Variants in NKAIN3 observed in about 807,000 individuals in gnomAD.
NKAIN3 encodes the protein sodium/potassium-transporting ATPase subunit beta-1-interacting protein 3.
A neutral mutation model predicts 30.2 loss-of-function variants in NKAIN3; 25 were observed. The ratio of observed to expected loss-of-function variants is 0.83; its 90% CI spans 0.60 to 1.16. The LOEUF is 1.16. Among genes scored for constraint, NKAIN3 ranks in the 50% most tolerant of loss-of-function variants. The probability of loss-of-function intolerance (pLI) is 0.00; values close to 1 mark genes in which losing one functional copy is unlikely to be tolerated. For synonymous variants in NKAIN3, 91 were observed against 89.6 expected, an observed-to-expected ratio of 1.02 and a Z score of -0.09; for missense variants, 225 against 254.1, an observed-to-expected ratio of 0.89 and a Z score of 0.78.
At chr8:62,556,034 T>C (rs1012481650) in intron 1 of NKAIN3, among the ~76,000 whole-genome samples, 29 of 151,888 alleles carry the variant, frequency 1.9e-4, no homozygotes, top group African/African-American at 6.3e-4. Context: ...ATTTAACAAA[T>C]TGGAAAGTAT....
chr8:62,589,831 G>A (rs765281226), intron 3 of NKAIN3, 37 bp downstream of exon 3: 3 of 1,075,812 alleles, frequency 2.8e-6, no homozygotes, highest in South Asian at 2.6e-5. Flanking sequence ...ACTTTAAAAT[G>A]AGTACACTTC....
chr8:62,316,905 G>A (rs1037139150), intron 1 of NKAIN3, among the ~76,000 whole-genome samples: 2 of 152,138 alleles, frequency 1.3e-5, no homozygotes, highest in South Asian at 2.1e-4. Context: ...CAGTGTAAGT[G>A]TTCTTATTTC....
intron 4 of NKAIN3, among the ~76,000 whole-genome samples, chr8:62,910,948 C>A (rs1821908921): frequency 6.6e-6 from 1 of 151,970 alleles, no homozygotes. Flanking sequence ...GCTGATGGAC[C>A]AACCAATAAA....
At chr8:62,466,637 C>A (rs755973302) in intron 1 of NKAIN3, among the ~76,000 whole-genome samples, 4 of 152,172 alleles carry the variant, frequency 2.6e-5, no homozygotes, top group Admixed American at 6.5e-5. Flanking sequence ...GGTGAGCACA[C>A]TAAAATCATG....
intron 2 of NKAIN3, among the ~76,000 whole-genome samples, chr8:62,588,958 T>G (rs949328300): frequency 1.4e-4 from 21 of 151,864 alleles, no homozygotes; most frequent in Non-Finnish European, 2.8e-4. Flanking sequence ...TCATTGATTC[T>G]CCATTGATGA....
chr8:62,477,261 C>T (rs1806549297), intron 1 of NKAIN3, among the ~76,000 whole-genome samples: 1 of 152,088 alleles, frequency 6.6e-6, no homozygotes, highest in Admixed American at 6.5e-5. Flanking sequence ...CGCAAATGTA[C>T]GCATGCACAC....
chr8:62,827,209 A>T (rs1282430135), intron 4 of NKAIN3, among the ~76,000 whole-genome samples: 6 of 152,206 alleles, frequency 3.9e-5, no homozygotes, highest in Non-Finnish European at 8.8e-5. Context: ...TAAAGTCTTT[A>T]TACAGTGCTT....
Position 62,924,389 on chromosome 8 carries a change from T to A in NKAIN3, c.532+5876T>A, listed in dbSNP as rs531926888. Among the ~76,000 whole-genome samples, 16 of 152,368 alleles carry A rather than the reference T, an allele frequency of 1.1e-4. No homozygotes were observed. The South Asian group carries it at 1.7e-3, about 16-fold the overall frequency. On this transcript the variant is annotated intron_variant, in intron 5 of 6. Coordinates refer to ENST00000623646, the MANE Select transcript of NKAIN3 (RefSeq NM_001304533.3). ...ACACAACTGTAATTTTTTAAAGTCA[T>A]ATTATTCACCAAGGCTGACCCCATT...
chr8:62,552,261 A>C (rs1809241263), intron 1 of NKAIN3, among the ~76,000 whole-genome samples: 1 of 152,360 alleles, frequency 6.6e-6, no homozygotes, highest in African/African-American at 2.4e-5. Context: ...AAAGAAAAAT[A>C]GTACTCTGCT....
intron 4 of NKAIN3, among the ~76,000 whole-genome samples, chr8:62,869,036 C>A (rs193063473): frequency 6.0e-4 from 91 of 152,284 alleles, no homozygotes; most frequent in African/African-American, 2.1e-3. Flanking sequence ...ATCGCAACTA[C>A]GCAGAATAGG....
Position 62,965,683 on chromosome 8 carries a change from G to C in NKAIN3, c.*276G>C, listed in dbSNP as rs896331971. ...AAATTTTTAACAATATTTAATGTGA[G>C]GCATGCAAAATGAAAAAGCAAATCT... On this transcript the variant is annotated 3_prime_UTR_variant, in exon 7 of 7. Coordinates refer to ENST00000623646, the MANE Select transcript of NKAIN3 (RefSeq NM_001304533.3). 1 of 979,964 alleles carries C rather than the reference G, an allele frequency of 1.0e-6. No individual in the cohort carries two copies. Among genetic ancestry groups the C allele is most frequent in the Non-Finnish European group, 1.2e-6 (1 of 825,668 alleles). 60.7% of individuals were successfully genotyped at this position (979,964 alleles called of 1,614,324 possible).
intron 3 of NKAIN3, among the ~76,000 whole-genome samples, chr8:62,700,134 A>T (rs1814286775): frequency 6.6e-6 from 1 of 152,156 alleles, no homozygotes; most frequent in Non-Finnish European, 1.5e-5. Flanking sequence ...CGAAAAAAAA[A>T]TTAGTTGCTT....
intron 3 of NKAIN3, among the ~76,000 whole-genome samples, chr8:62,723,155 CAAA>C (rs1399923050): frequency 6.6e-6 from 1 of 151,954 alleles, no homozygotes; most frequent in African/African-American, 2.4e-5. Context: ...AGCTATGCTT[CAAA>C]AATGGAATAA....
intron 4 of NKAIN3, among the ~76,000 whole-genome samples, chr8:62,792,146 A>AT (rs1402945075): frequency 1.3e-5 from 2 of 151,996 alleles, no homozygotes; most frequent in East Asian, 3.9e-4. Flanking sequence ...CAATGTGAAT[A>AT]CTCCTAAATA....
intron 1 of NKAIN3, among the ~76,000 whole-genome samples, chr8:62,454,621 A>T (rs1385171642): frequency 1.3e-5 from 2 of 152,050 alleles, no homozygotes; most frequent in Non-Finnish European, 2.9e-5. Flanking sequence ...GCATCATTAT[A>T]TCTAGAATCA....
At chr8:62,711,803 C>T (rs941622274) in intron 3 of NKAIN3, among the ~76,000 whole-genome samples, 39 of 152,062 alleles carry the variant, frequency 2.6e-4, no homozygotes, top group East Asian at 9.6e-4. Flanking sequence ...TTTTTGGGAG[C>T]GTTAAATAGC....
chr8:62,882,452 G>A (rs1821015221), intron 4 of NKAIN3, among the ~76,000 whole-genome samples: 1 of 152,070 alleles, frequency 6.6e-6, no homozygotes, highest in Non-Finnish European at 1.5e-5. Flanking sequence ...CTAGTAGCTA[G>A]CATTATAGGC....
chr8:62,785,587 T>TGTGAAA (rs1188038138), intron 4 of NKAIN3, among the ~76,000 whole-genome samples: 6 of 152,270 alleles, frequency 3.9e-5, no homozygotes, highest in African/African-American at 1.4e-4. Context: ...TTGTATGCTA[T>TGTGAAA]GTGAATATAT....
intron 1 of NKAIN3, among the ~76,000 whole-genome samples, chr8:62,553,640 G>A (rs149372323): frequency 0.014 from 2,057 of 151,450 alleles, 41 homozygotes; most frequent in African/African-American, 0.043. Flanking sequence ...GGGTTCAAGC[G>A]ATTCTCTTGC....
Sources: allele counts gnomAD v4.1 joint callset (sites outside exome capture counted in the v4.1 genomes callset), GRCh38; gene constraint gnomAD v4.1.1; transcripts MANE v1.5; gene names NCBI Gene and HGNC (gene_info 2026-07-23, HGNC 2026-07-21).